STXBP5L: variants seen among roughly 807,000 people sequenced by gnomAD.
STXBP5L encodes syntaxin binding protein 5L, also known as syntaxin-binding protein 5-like.
Under a neutral mutation model 144.5 loss-of-function variants are expected in STXBP5L, and 65 were observed. That is an observed-to-expected ratio of 0.45 (90% confidence interval 0.37 to 0.55). The LOEUF (loss-of-function observed/expected upper bound fraction) is 0.55, where lower values mean the gene tolerates loss of function less well. STXBP5L is among the 20% of genes least tolerant of loss of function. The pLI is 0.00. For synonymous variants in STXBP5L, 505 were observed against 469.6 expected (o/e 1.08, Z -0.97); for missense variants, 1,298 against 1,405.5 (o/e 0.92, Z 1.22).
At chr3:120,925,131 TTGAAA>T (rs1264564550) in intron 2 of STXBP5L, 1 of 152,258 alleles carries the variant, frequency 6.6e-6, no homozygotes, top group Non-Finnish European at 1.5e-5. Flanking sequence ...CAGAACAGAA[TTGAAA>T]TGATGATACA....
chr3:120,957,158 C>A (rs1442682858), intron 3 of STXBP5L, among the ~76,000 whole-genome samples: 3 of 151,920 alleles, frequency 2.0e-5, no homozygotes, highest in African/African-American at 7.2e-5. Flanking sequence ...GTGGGCTCTC[C>A]TATTCTATTC....
intron 3 of STXBP5L, among the ~76,000 whole-genome samples, chr3:121,004,831 T>G (rs913449450): frequency 1.3e-5 from 2 of 152,076 alleles, no homozygotes; most frequent in African/African-American, 4.8e-5. Context: ...GTCATTGGTT[T>G]TATTTATATG....
At chr3:121,166,968 T>C (rs187666788) in intron 9 of STXBP5L, among the ~76,000 whole-genome samples, 246 of 124,808 alleles carry the variant, frequency 2.0e-3, no homozygotes, top group South Asian at 3.8e-3. Flanking sequence ...TCCTTAATTC[T>C]ATATCAAAAT....
intron 9 of STXBP5L, among the ~76,000 whole-genome samples, chr3:121,181,119 CAAAA>C (rs1379512423): frequency 2.6e-5 from 2 of 75,776 alleles, no homozygotes; most frequent in African/African-American, 1.1e-4. Flanking sequence ...AAGAAGAAAA[CAAAA>C]GAAGAGAAAA....
rs2045832561 is a variant in STXBP5L, at chr3:121,149,013, G to A, written c.670-3464G>A. Among the ~76,000 whole-genome samples the A allele has an allele frequency of 2.6e-5, 4 of 152,050 alleles. No individual in the cohort carries two copies. The South Asian group carries it at 8.3e-4, about 32-fold the overall frequency. ...GTCTAATTCGAAACAGGTAACAGTA[G>A]CCTATGGTGTTAGAAGTCAGGATAG... On this transcript the variant is annotated intron_variant, in intron 7 of 26. Coordinates refer to ENST00000471454, the MANE Select transcript of STXBP5L (RefSeq NM_001308330.2).
chr3:121,002,302 G>C (rs552123648), intron 3 of STXBP5L, among the ~76,000 whole-genome samples: 1 of 152,260 alleles, frequency 6.6e-6, no homozygotes, highest in East Asian at 1.9e-4. Context: ...CTGATGATTA[G>C]TAATGTTGAG....
At chr3:121,009,638 C>A (rs987137617) in intron 3 of STXBP5L, among the ~76,000 whole-genome samples, 4 of 151,862 alleles carry the variant, frequency 2.6e-5, no homozygotes, top group African/African-American at 7.3e-5. Context: ...TAGCTATGAG[C>A]AGAGGAAGCA....
At chr3:121,321,925 G>C (rs1345024908) in intron 20 of STXBP5L, among the ~76,000 whole-genome samples, 1 of 152,088 alleles carries the variant, frequency 6.6e-6, no homozygotes, top group Non-Finnish European at 1.5e-5. Flanking sequence ...TGAAGCCAAG[G>C]TTTGAGATAC....
intron 20 of STXBP5L, among the ~76,000 whole-genome samples, chr3:121,362,182 G>C (rs1265738722): frequency 6.6e-6 from 1 of 152,176 alleles, no homozygotes; most frequent in African/African-American, 2.4e-5. Context: ...TTAAGCTGGG[G>C]GTGAAGTGAC....
chr3:121,070,936 G>A (rs971700786), intron 5 of STXBP5L, among the ~76,000 whole-genome samples: 3 of 152,154 alleles, frequency 2.0e-5, no homozygotes, highest in Non-Finnish European at 4.4e-5. Context: ...CAAGAACTCT[G>A]GGTCATAACA....
At chr3:120,971,205 G>A (rs1206644198) in intron 3 of STXBP5L, among the ~76,000 whole-genome samples, 4 of 152,072 alleles carry the variant, frequency 2.6e-5, no homozygotes, top group African/African-American at 9.7e-5. Context: ...TATGGTACCA[G>A]TCAGTTGCTT....
At chr3:121,411,956 A>C (rs75462497) in intron 23 of STXBP5L, among the ~76,000 whole-genome samples, 1,780 of 152,324 alleles carry the variant, frequency 0.012, 37 homozygotes, top group African/African-American at 0.04. Flanking sequence ...TGCTACAAAA[A>C]GTGCCCCTGA....
chr3:121,392,214 T>A (rs2046606408), intron 22 of STXBP5L, among the ~76,000 whole-genome samples: 1 of 152,218 alleles, frequency 6.6e-6, no homozygotes, highest in South Asian at 2.1e-4. Context: ...AAGCCAGGCA[T>A]GGGAGAGAAT....
intron 2 of STXBP5L, 138 bp downstream of exon 2, chr3:120,909,905 G>T (rs1382522760): frequency 3.0e-5 from 26 of 872,622 alleles, no homozygotes; most frequent in Non-Finnish European, 3.7e-5. Flanking sequence ...TCTGTGGGTA[G>T]ATCAGTTTGG....
intron 22 of STXBP5L, among the ~76,000 whole-genome samples, chr3:121,399,066 A>G (rs1314508606): frequency 6.6e-6 from 1 of 152,082 alleles, no homozygotes; most frequent in Admixed American, 6.6e-5. Flanking sequence ...AAGGGTAGGG[A>G]TGAACCTCTC....
intron 9 of STXBP5L, among the ~76,000 whole-genome samples, chr3:121,187,123 ATG>A (rs2047417121): frequency 6.6e-6 from 1 of 152,218 alleles, no homozygotes; most frequent in Non-Finnish European, 1.5e-5. Context: ...ACGTATGTTT[ATG>A]GTGGCACTAT....
At chr3:120,944,087 A>C (rs1488340458) in intron 2 of STXBP5L, among the ~76,000 whole-genome samples, 1 of 151,648 alleles carries the variant, frequency 6.6e-6, no homozygotes, top group East Asian at 1.9e-4. Flanking sequence ...AGTAGTAGTT[A>C]GTAGAGACTG....
chr3:121,384,908 T>C (rs1054545296), intron 22 of STXBP5L, among the ~76,000 whole-genome samples: 1 of 152,072 alleles, frequency 6.6e-6, no homozygotes, highest in Non-Finnish European at 1.5e-5. Context: ...TTGTTAAAAC[T>C]CATTTTAAGT....
At chr3:121,125,985 G>A (rs1431082355) in intron 7 of STXBP5L, among the ~76,000 whole-genome samples, 1 of 152,046 alleles carries the variant, frequency 6.6e-6, no homozygotes, top group Non-Finnish European at 1.5e-5. Flanking sequence ...GAGATTTCTT[G>A]CAAGACCATG....
Sources: allele counts gnomAD v4.1 joint callset (sites outside exome capture counted in the v4.1 genomes callset), GRCh38; gene constraint gnomAD v4.1.1; transcripts MANE v1.5; gene names NCBI Gene and HGNC (gene_info 2026-07-23, HGNC 2026-07-21).